Variants in PPP2R2B observed in about 807,000 individuals in gnomAD.
The protein encoded by PPP2R2B is protein phosphatase 2 regulatory subunit Bbeta, also known as serine/threonine-protein phosphatase 2A 55 kDa regulatory subunit B beta isoform.
Under a neutral mutation model 46.0 loss-of-function variants are expected in PPP2R2B, and 5 were observed. The ratio of observed to expected loss-of-function variants is 0.11; its 90% CI spans 0.06 to 0.23. The LOEUF is 0.23. Among genes scored for constraint, PPP2R2B ranks in the 10% least tolerant of loss-of-function variants. The pLI, the probability that PPP2R2B is intolerant of heterozygous loss-of-function variation, is 1.00. For missense variants in PPP2R2B, 367 were observed against 575.0 expected, an observed-to-expected ratio of 0.64 and a Z score of 3.70; for synonymous variants, 215 against 206.7, an observed-to-expected ratio of 1.04 and a Z score of -0.34.
chr5:146,669,374 T>C (rs1414742727), intron 5 of PPP2R2B, among the ~76,000 whole-genome samples: 1 of 152,122 alleles, frequency 6.6e-6, no homozygotes, highest in African/African-American at 2.4e-5. Context: ...GTGGATCTCA[T>C]CTCTGAGCAT....
chr5:146,881,458 G>T (rs952809115), upstream of PPP2R2B, among the ~76,000 whole-genome samples: 1 of 151,584 alleles, frequency 6.6e-6, no homozygotes, highest in Non-Finnish European at 1.5e-5. Flanking sequence ...TGTCACCCAG[G>T]CTGGATTGCA....
intron 7 of PPP2R2B, among the ~76,000 whole-genome samples, chr5:146,605,629 T>A (rs1772192307): frequency 6.6e-6 from 1 of 152,236 alleles, no homozygotes; most frequent in African/African-American, 2.4e-5. Flanking sequence ...TCTGCCCACA[T>A]GTGGCAACCA....
At chr5:146,687,703 G>A (rs1778596626) in intron 5 of PPP2R2B, among the ~76,000 whole-genome samples, 1 of 152,080 alleles carries the variant, frequency 6.6e-6, no homozygotes, top group African/African-American at 2.4e-5. Context: ...TGCTTCTCAT[G>A]GGCTCTTTTG....
chr5:146,685,372 G>C (rs994387057), intron 5 of PPP2R2B, among the ~76,000 whole-genome samples: 1 of 152,216 alleles, frequency 6.6e-6, no homozygotes, highest in African/African-American at 2.4e-5. Context: ...ATAAAGAAAG[G>C]ACATCAAACA....
intron 1 of PPP2R2B, among the ~76,000 whole-genome samples, chr5:146,894,892 T>G (rs1300273740): frequency 6.6e-6 from 1 of 152,228 alleles, no homozygotes; most frequent in Non-Finnish European, 1.5e-5. Context: ...TTCTCTCCTG[T>G]AAGCTCTTTG....
intron 1 of PPP2R2B, among the ~76,000 whole-genome samples, chr5:146,979,117 C>G (rs956458654): frequency 5.3e-5 from 8 of 152,136 alleles, no homozygotes; most frequent in African/African-American, 1.2e-4. Context: ...TGCTATTTCT[C>G]TAATAGGACA....
chr5:146,854,038 G>T (rs574826348), intron 2 of PPP2R2B, among the ~76,000 whole-genome samples: 2 of 152,150 alleles, frequency 1.3e-5, no homozygotes, highest in South Asian at 4.1e-4. Flanking sequence ...TAACAGTAGA[G>T]ACCAGGTCTA....
At chr5:147,052,793 TG>T (rs1193286621) in intron 1 of PPP2R2B, among the ~76,000 whole-genome samples, 2 of 151,908 alleles carry the variant, frequency 1.3e-5, no homozygotes, top group Non-Finnish European at 1.5e-5. Flanking sequence ...TTTTAGAGTG[TG>T]GGGTGGTAAG....
At chr5:146,871,259 T>C (rs1027622881) in intron 2 of PPP2R2B, among the ~76,000 whole-genome samples, 9 of 152,162 alleles carry the variant, frequency 5.9e-5, no homozygotes, top group Non-Finnish European at 1.2e-4. Context: ...CAAAAGAACA[T>C]CTGCCATCCC....
intron 1 of PPP2R2B, among the ~76,000 whole-genome samples, chr5:146,969,562 G>C (rs562540665): frequency 1.3e-5 from 2 of 152,310 alleles, no homozygotes; most frequent in South Asian, 4.1e-4. Context: ...AGAGAGGCTA[G>C]ACAAGGCTAT....
intron 2 of PPP2R2B, among the ~76,000 whole-genome samples, chr5:146,758,955 C>T (rs1753997180): frequency 1.3e-5 from 2 of 152,046 alleles, no homozygotes; most frequent in African/African-American, 4.8e-5. Flanking sequence ...GAATTAAAAC[C>T]TAATACTTTC....
intron 1 of PPP2R2B, among the ~76,000 whole-genome samples, chr5:146,893,988 G>A (rs1428525491): frequency 1.3e-5 from 2 of 151,946 alleles, no homozygotes; most frequent in Non-Finnish European, 2.9e-5. Context: ...GGAGATTGCA[G>A]TTAGCCAAGA....
intron 2 of PPP2R2B, among the ~76,000 whole-genome samples, chr5:146,863,790 C>T (rs557859508): frequency 5.1e-4 from 78 of 152,136 alleles, no homozygotes; most frequent in African/African-American, 1.8e-3. Context: ...ATTTCAATAA[C>T]CCAAGACACT....
chr5:146,646,501 A>G (rs1425113960), intron 6 of PPP2R2B, among the ~76,000 whole-genome samples: 2 of 152,332 alleles, frequency 1.3e-5, no homozygotes, highest in Non-Finnish European at 2.9e-5. Context: ...TACACAAGAC[A>G]AGGACAGACT....
intron 2 of PPP2R2B, among the ~76,000 whole-genome samples, chr5:146,838,183 T>C (rs11957997): frequency 0.15 from 22,317 of 152,176 alleles, 2,080 homozygotes; most frequent in East Asian, 0.43. Flanking sequence ...CTAATACTTA[T>C]ATTGTGACAA....
chr5:146,944,781 T>G (rs764502617), intron 1 of PPP2R2B, among the ~76,000 whole-genome samples: 4 of 152,086 alleles, frequency 2.6e-5, no homozygotes, highest in African/African-American at 4.8e-5. Flanking sequence ...TAAAACAATT[T>G]ATTAAAGGTA....
intron 1 of PPP2R2B, among the ~76,000 whole-genome samples, chr5:147,046,918 C>T (rs1191806408): frequency 3.3e-5 from 5 of 152,036 alleles, no homozygotes; most frequent in Non-Finnish European, 5.9e-5. Flanking sequence ...GGTTACCACT[C>T]CCAGCTTCTG....
At chr5:146,858,375 A>G (rs1258577340) in intron 2 of PPP2R2B, among the ~76,000 whole-genome samples, 1 of 152,226 alleles carries the variant, frequency 6.6e-6, no homozygotes, top group Non-Finnish European at 1.5e-5. Flanking sequence ...TGAATGTTTA[A>G]TCTGTGTCAG....
chr5:146,749,025 A>G (rs972158554), intron 2 of PPP2R2B, among the ~76,000 whole-genome samples: 1 of 152,192 alleles, frequency 6.6e-6, no homozygotes, highest in African/African-American at 2.4e-5. Context: ...TACATTTTAC[A>G]TTCCTATCAA....
Sources: allele counts gnomAD v4.1 joint callset (sites outside exome capture counted in the v4.1 genomes callset), GRCh38; gene constraint gnomAD v4.1.1; transcripts MANE v1.5; gene names NCBI Gene and HGNC (gene_info 2026-07-23, HGNC 2026-07-21).